The following MAML3 variants were observed in gnomAD, a reference collection of about 807,000 sequenced individuals.
MAML3 encodes mastermind like transcriptional coactivator 3.
Under a neutral mutation model 101.9 loss-of-function variants are expected in MAML3, and 27 were observed. The ratio of observed to expected loss-of-function variants is 0.27; its 90% confidence interval spans 0.20 to 0.37. The LOEUF is 0.37. Ranked by LOEUF, MAML3 falls within the 10% of genes least tolerant of loss-of-function variation. The pLI is 1.00. For synonymous variants in MAML3, 501 were observed against 555.9 expected (o/e 0.90, Z 1.39); for missense variants, 1,316 against 1,444.9 (o/e 0.91, Z 1.45).
At chr4:139,892,335 C>A (rs1329820275) in intron 1 of MAML3, among the ~76,000 whole-genome samples, 1 of 152,198 alleles carries the variant, frequency 6.6e-6, no homozygotes, top group African/African-American at 2.4e-5. Context: ...AAGTCAGATA[C>A]TTGAGCATTT....
At chr4:140,043,836 G>A (rs1238618556) in intron 1 of MAML3, among the ~76,000 whole-genome samples, 1 of 152,148 alleles carries the variant, frequency 6.6e-6, no homozygotes, top group Non-Finnish European at 1.5e-5. Flanking sequence ...CCCCTCTAGA[G>A]AAAATCAGCG....
At chr4:139,982,948 G>C (rs948066027) in intron 1 of MAML3, among the ~76,000 whole-genome samples, 1 of 152,140 alleles carries the variant, frequency 6.6e-6, no homozygotes, top group African/African-American at 2.4e-5. Flanking sequence ...AAATACGACT[G>C]CTTTTGCCTT....
At chr4:140,124,434 T>C (rs906497362) in intron 1 of MAML3, among the ~76,000 whole-genome samples, 44 of 152,188 alleles carry the variant, frequency 2.9e-4, no homozygotes, top group African/African-American at 1.0e-3. Context: ...TGACTAGGTA[T>C]GGCTGGGAGA....
At chr4:139,878,324 C>T (rs1357273713) in intron 2 of MAML3, among the ~76,000 whole-genome samples, 1 of 152,162 alleles carries the variant, frequency 6.6e-6, no homozygotes, top group East Asian at 1.9e-4. Flanking sequence ...GCCCTGAATC[C>T]TGAATGTAAA....
At chr4:139,885,932 CAAAAAAAAAAAAAA>C (rs1182443191) in intron 2 of MAML3, among the ~76,000 whole-genome samples, 19 of 20,308 alleles carry the variant, frequency 9.4e-4, no homozygotes, top group African/African-American at 2.2e-3. Context: ...GACTCCGTCT[CAAAAAAAAAAAAAA>C]AAAAAAAAAA....
intron 1 of MAML3, among the ~76,000 whole-genome samples, chr4:140,031,901 G>A (rs1726913509): frequency 6.6e-6 from 1 of 152,082 alleles, no homozygotes; most frequent in East Asian, 1.9e-4. Flanking sequence ...TCTATTTCCA[G>A]CCTTGCCTTC....
chr4:139,861,477 A>ATGTGTGTGTGTGTGTGTGTGTGTGTGTG (rs55851938), intron 2 of MAML3, among the ~76,000 whole-genome samples: 6 of 146,392 alleles, frequency 4.1e-5, no homozygotes, highest in African/African-American at 1.5e-4. Flanking sequence ...TAACCAGCCG[A>ATGTGTGTGTGTGTGTGTGTGTGTGTGTG]TGTGTGTGTG....
intron 1 of MAML3, among the ~76,000 whole-genome samples, chr4:140,091,532 C>CAAA (rs1218380120): frequency 6.6e-4 from 8 of 12,080 alleles, no homozygotes; most frequent in Non-Finnish European, 2.9e-3. Context: ...AACAAAACAA[C>CAAA]AAAACAAAAA....
intron 2 of MAML3, among the ~76,000 whole-genome samples, chr4:139,795,901 CTCTT>C (rs998829105): frequency 6.6e-6 from 1 of 152,218 alleles, no homozygotes; most frequent in Non-Finnish European, 1.5e-5. Flanking sequence ...CACACATTCT[CTCTT>C]TCTGTCTCTC....
Position 140,153,602 on chromosome 4 carries a change from CAACA to C in MAML3, c.-279_-276del, listed in dbSNP as rs1553982176. 2.5e-6 allele frequency: 1 copy of C among 402,334 alleles called. No individual in the cohort carries two copies. The highest frequency in any genetic ancestry group is 4.2e-5 in the Admixed American group (1 of 23,708). 24.9% of individuals were successfully genotyped at this position (402,334 alleles called of 1,614,324 possible). A position where few individuals can be genotyped will look rare whatever the true frequency, so the allele number is the denominator to read the frequency against. ...AGACACCTATCAACAAAAAGAATCA[CAACA>C]AACTGAGCCAGCAGCAAATCGGGTT... On this transcript the variant is annotated 5_prime_UTR_variant, in exon 1 of 5. Transcript: ENST00000509479.
At chr4:139,755,013 G>A (rs1053724676) in intron 2 of MAML3, among the ~76,000 whole-genome samples, 3 of 152,186 alleles carry the variant, frequency 2.0e-5, no homozygotes, top group African/African-American at 7.2e-5. Flanking sequence ...GAATGCCTGA[G>A]TGCCACAAAC....
rs1279838229 is a variant in MAML3, at chr4:140,061,023, T to C, written c.468+91837A>G. 4.6e-5 allele frequency among the ~76,000 whole-genome samples: 7 copies of C among 152,220 alleles called. No homozygotes were observed. In the East Asian group the frequency reaches 9.6e-4, roughly 21 times the overall value. ...CATTCCAAGTTACCATGAAGAAATA[T>C]GATGGCTCAGGTTTTATACAGTCAG... On this transcript the variant is annotated intron_variant, in intron 1 of 4. Transcript: ENST00000509479.
chr4:140,026,702 G>A (rs1463518757), intron 1 of MAML3, among the ~76,000 whole-genome samples: 4 of 152,152 alleles, frequency 2.6e-5, no homozygotes, highest in Non-Finnish European at 4.4e-5. Context: ...TGCTAAAAAT[G>A]CACTAGCTTT....
chr4:139,774,351 A>G (rs1180115017), intron 2 of MAML3, among the ~76,000 whole-genome samples: 1 of 152,232 alleles, frequency 6.6e-6, no homozygotes, highest in East Asian at 1.9e-4. Context: ...ACTTATGTCT[A>G]TTTTGTTTAC....
chr4:139,762,270 A>G (rs1473956655), intron 2 of MAML3, among the ~76,000 whole-genome samples: 1 of 152,174 alleles, frequency 6.6e-6, no homozygotes, highest in African/African-American at 2.4e-5. Context: ...AGGTGACTAA[A>G]AAGGAAGAAT....
At chr4:140,081,883 G>C (rs1386630038) in intron 1 of MAML3, among the ~76,000 whole-genome samples, 1 of 152,166 alleles carries the variant, frequency 6.6e-6, no homozygotes, top group Non-Finnish European at 1.5e-5. Flanking sequence ...TTATTTTCCT[G>C]ATGTTAAACC....
intron 1 of MAML3, among the ~76,000 whole-genome samples, chr4:140,080,971 T>C (rs1400712472): frequency 6.6e-6 from 1 of 152,178 alleles, no homozygotes; most frequent in African/African-American, 2.4e-5. Context: ...TATTTACACA[T>C]CATTAAACAC....
At chr4:140,113,398 G>A (rs910084353) in intron 1 of MAML3, among the ~76,000 whole-genome samples, 20 of 152,212 alleles carry the variant, frequency 1.3e-4, no homozygotes, top group African/African-American at 4.8e-4. Flanking sequence ...GGAACTTGAG[G>A]TCAAGTTTCA....
intron 1 of MAML3, among the ~76,000 whole-genome samples, chr4:140,115,112 G>C (rs1237755525): frequency 6.6e-6 from 1 of 152,122 alleles, no homozygotes; most frequent in Non-Finnish European, 1.5e-5. Context: ...TGCTGCTGAA[G>C]TTTTATTAAA....
Sources: gnomAD v4.1 joint callset for allele counts (sites outside exome capture counted in the v4.1 genomes callset) on GRCh38, gnomAD v4.1.1 for gene constraint, MANE v1.5 for transcripts, NCBI Gene and HGNC (gene_info 2026-07-23, HGNC 2026-07-21) for gene names.